The following MOB3B variants were observed in gnomAD, a reference collection of about 807,000 sequenced individuals.
MOB3B encodes the protein MOB kinase activator 3B.
MOB3B carries 7 observed loss-of-function variants against 18.7 expected under a neutral mutation model. The observed-to-expected ratio is 0.37, with a 90% confidence interval of 0.21 to 0.70. The LOEUF (loss-of-function observed/expected upper bound fraction) is 0.70, where lower values mean the gene tolerates loss of function less well. Among genes scored for constraint, MOB3B ranks in the 30% least tolerant of loss-of-function variants. MOB3B has a pLI of 0.52. For synonymous variants in MOB3B, 111 were observed against 99.9 expected (o/e 1.11, Z -0.66); for missense variants, 253 against 281.3 (o/e 0.90, Z 0.72).
intron 2 of MOB3B, among the ~76,000 whole-genome samples, chr9:27,405,224 C>T (rs1821948700): frequency 6.7e-6 from 1 of 150,122 alleles, no homozygotes; most frequent in Non-Finnish European, 1.5e-5. Flanking sequence ...TCTCCTGCCT[C>T]AGCCTCCTGA....
chr9:27,407,329 C>T (rs184619071), intron 2 of MOB3B, among the ~76,000 whole-genome samples: 5 of 152,348 alleles, frequency 3.3e-5, no homozygotes, highest in African/African-American at 1.2e-4. Context: ...TCATCTCAAG[C>T]TACTGTTTAC....
intron 3 of MOB3B, among the ~76,000 whole-genome samples, chr9:27,357,144 A>ATATATATATATATATG (rs1486801059): frequency 2.5e-4 from 20 of 80,964 alleles, no homozygotes; most frequent in African/African-American, 7.9e-4. Flanking sequence ...ATATATATAT[A>ATATATATATATATATG]TGTGTTTTTT....
intron 2 of MOB3B, 138 bp from the exon 3 acceptor site, chr9:27,359,374 TG>T: frequency 3.2e-6 from 1 of 309,466 alleles, no homozygotes. Flanking sequence ...GGAGTGTGTG[TG>T]TGTGGGGGGG....
intron 2 of MOB3B, among the ~76,000 whole-genome samples, chr9:27,375,296 T>C (rs1587165091): frequency 6.6e-6 from 1 of 152,234 alleles, no homozygotes; most frequent in Non-Finnish European, 1.5e-5. Context: ...CCGTTTAACA[T>C]AAATGTGCAG....
At chr9:27,402,755 C>T (rs1353246383) in intron 2 of MOB3B, among the ~76,000 whole-genome samples, 1 of 152,230 alleles carries the variant, frequency 6.6e-6, no homozygotes, top group Non-Finnish European at 1.5e-5. Flanking sequence ...TCACTTGGCC[C>T]CGTGGGCCTC....
chr9:27,400,210 AACTT>A (rs1242127633), intron 2 of MOB3B, among the ~76,000 whole-genome samples: 1 of 152,232 alleles, frequency 6.6e-6, no homozygotes, highest in Non-Finnish European at 1.5e-5. Flanking sequence ...AGATATAAAT[AACTT>A]ACTTTGTCTG....
intron 2 of MOB3B, among the ~76,000 whole-genome samples, chr9:27,435,541 C>T (rs909625815): frequency 3.3e-5 from 5 of 152,110 alleles, no homozygotes; most frequent in Admixed American, 6.6e-5. Context: ...ACTCATCTGC[C>T]TTCAGAGGCT....
intron 3 of MOB3B, among the ~76,000 whole-genome samples, chr9:27,341,631 A>G (rs1048983535): frequency 6.6e-6 from 1 of 152,206 alleles, no homozygotes; most frequent in Non-Finnish European, 1.5e-5. Context: ...CATGTTCTCA[A>G]GCTCTCACAG....
chr9:27,472,905 G>A (rs1172929189), intron 1 of MOB3B, among the ~76,000 whole-genome samples: 3 of 152,190 alleles, frequency 2.0e-5, no homozygotes, highest in Non-Finnish European at 2.9e-5. Flanking sequence ...AGTTAAGACT[G>A]TCATTTTTAA....
At chr9:27,355,376 C>A (rs926555512) in intron 3 of MOB3B, among the ~76,000 whole-genome samples, 2 of 152,150 alleles carry the variant, frequency 1.3e-5, no homozygotes, top group African/African-American at 4.8e-5. Context: ...GGGAAACTGG[C>A]TGGACAAATG....
intron 1 of MOB3B, among the ~76,000 whole-genome samples, chr9:27,498,885 C>T (rs761069115): frequency 1.3e-5 from 2 of 152,192 alleles, no homozygotes; most frequent in Non-Finnish European, 2.9e-5. Flanking sequence ...GAAAAATCAA[C>T]ACTTTCTATG....
intron 2 of MOB3B, among the ~76,000 whole-genome samples, chr9:27,427,460 A>G (rs1446135653): frequency 6.6e-6 from 1 of 152,240 alleles, no homozygotes; most frequent in African/African-American, 2.4e-5. Flanking sequence ...AGCTTTTCAT[A>G]TGCAGCCACC....
At chr9:27,426,652 A>G (rs1450218819) in intron 2 of MOB3B, among the ~76,000 whole-genome samples, 1 of 152,196 alleles carries the variant, frequency 6.6e-6, no homozygotes, top group East Asian at 1.9e-4. Context: ...CTCAGCTGAT[A>G]TCTAATCTCA....
chr9:27,398,153 T>C (rs1821828546), intron 2 of MOB3B, among the ~76,000 whole-genome samples: 1 of 152,224 alleles, frequency 6.6e-6, no homozygotes, highest in Admixed American at 6.5e-5. Flanking sequence ...GAGGAGCTCA[T>C]GTGTTGTTAT....
intron 2 of MOB3B, among the ~76,000 whole-genome samples, chr9:27,376,139 TTGACA>T (rs1242179923): frequency 1.3e-5 from 2 of 152,212 alleles, no homozygotes; most frequent in African/African-American, 2.4e-5. Context: ...CTTTTTGTAC[TTGACA>T]TAAGTATTAG....
intron 1 of MOB3B, among the ~76,000 whole-genome samples, chr9:27,496,928 A>T (rs1408935635): frequency 6.6e-6 from 1 of 152,198 alleles, no homozygotes. Context: ...TCCATTCTTG[A>T]TCTAAAACAA....
At chr9:27,509,138 T>A (rs983053426) in intron 1 of MOB3B, among the ~76,000 whole-genome samples, 1 of 152,230 alleles carries the variant, frequency 6.6e-6, no homozygotes, top group Admixed American at 6.5e-5. Flanking sequence ...CTAATACAGA[T>A]GCTTTTAGTT....
At chr9:27,371,063 T>C (rs1271888127) in intron 2 of MOB3B, among the ~76,000 whole-genome samples, 3 of 152,344 alleles carry the variant, frequency 2.0e-5, no homozygotes, top group East Asian at 3.9e-4. Context: ...CTTCGAATTG[T>C]ATTGTACATT....
At chr9:27,412,988 A>T (rs949921547) in intron 2 of MOB3B, among the ~76,000 whole-genome samples, 1 of 152,230 alleles carries the variant, frequency 6.6e-6, no homozygotes, top group Non-Finnish European at 1.5e-5. Context: ...GGCACCCTTT[A>T]AAGAATTTGC....
Sources: allele counts gnomAD v4.1 joint callset (sites outside exome capture counted in the v4.1 genomes callset), GRCh38; gene constraint gnomAD v4.1.1; transcripts MANE v1.5; gene names NCBI Gene and HGNC (gene_info 2026-07-23, HGNC 2026-07-21).